Variants in ADCY5 observed in about 807,000 individuals in gnomAD.
ADCY5 encodes adenylate cyclase 5.
In ADCY5, 30 loss-of-function variants were observed where a neutral mutation model predicts 119.7. The ratio of observed to expected loss-of-function variants is 0.25; its 90% CI spans 0.19 to 0.34. The LOEUF is 0.34. Ranked by LOEUF, ADCY5 falls within the 10% of genes least tolerant of loss-of-function variation. ADCY5 has a pLI of 1.00. For missense variants in ADCY5, 1,324 were observed against 1,775.2 expected, an observed-to-expected ratio of 0.75 and a Z score of 4.57; for synonymous variants, 753 against 762.2, an observed-to-expected ratio of 0.99 and a Z score of 0.20.
chr3:123,386,431 T>G (rs1333502216), intron 1 of ADCY5, among the ~76,000 whole-genome samples: 1 of 152,220 alleles, frequency 6.6e-6, no homozygotes, highest in East Asian at 1.9e-4. Context: ...CACCCATATG[T>G]GCTCTCTGGA....
intron 17 of ADCY5, among the ~76,000 whole-genome samples, 171 bp downstream of exon 17, chr3:123,295,913 G>A (rs553720082): frequency 6.6e-6 from 1 of 152,346 alleles, no homozygotes; most frequent in South Asian, 2.1e-4. Flanking sequence ...AGTGCAGGGA[G>A]CAGACCCACG....
At chr3:123,436,667 C>T (rs933502800) in intron 1 of ADCY5, among the ~76,000 whole-genome samples, 15 of 152,144 alleles carry the variant, frequency 9.9e-5, no homozygotes, top group African/African-American at 2.2e-4. Context: ...GATCATGCCA[C>T]TGCACTCCAG....
intron 1 of ADCY5, among the ~76,000 whole-genome samples, chr3:123,421,092 A>G (rs530668890): frequency 1.3e-5 from 2 of 152,332 alleles, no homozygotes; most frequent in South Asian, 2.1e-4. Flanking sequence ...CTATTTTCAA[A>G]TAAGTCATAG....
At chr3:123,445,576 G>A (rs1200964026) in intron 1 of ADCY5, among the ~76,000 whole-genome samples, 2 of 152,168 alleles carry the variant, frequency 1.3e-5, no homozygotes, top group East Asian at 1.9e-4. Flanking sequence ...ACGAGTCCTC[G>A]GGTCAAAAGA....
At chr3:123,320,895 G>T in intron 8 of ADCY5, 124 bp from the exon 9 acceptor site, 1 of 717,698 alleles carries the variant, frequency 1.4e-6, no homozygotes, top group Non-Finnish European at 2.4e-6. Flanking sequence ...ACATAGAGAG[G>T]ATTGTCATTC....
intron 1 of ADCY5, among the ~76,000 whole-genome samples, chr3:123,406,086 G>A (rs1944891672): frequency 6.6e-6 from 1 of 152,126 alleles, no homozygotes; most frequent in Non-Finnish European, 1.5e-5. Flanking sequence ...CAATCCAGAG[G>A]CCATACTCCC....
In ADCY5 at chr3:123,448,204, G is replaced by A; in HGVS notation, c.342C>T (p.Gly114=). The change falls in exon 1 of 21, where the codon GGC becomes GGT. Residue 114 remains glycine, a synonymous_variant. Transcript: ENST00000462833. The stretch of plus-strand genomic sequence containing the variant: ...CCGCGCCCCGCCGCTGCCGGCGGCT[G>A]CCGCGACCGCAGTCGTCGCCGCCGC... ...QERGGDDCGR[G]SRRQRRGAAS... 2.4e-6 allele frequency: 3 copies of A among 1,268,362 alleles called. No homozygotes were observed. Among genetic ancestry groups the A allele is most frequent in the Non-Finnish European group, 3.0e-6 (3 of 1,009,244 alleles). 78.6% of individuals were successfully genotyped at this position (1,268,362 alleles called of 1,614,324 possible). A position where few individuals can be genotyped will look rare whatever the true frequency, so the allele number is the denominator to read the frequency against.
intron 3 of ADCY5, among the ~76,000 whole-genome samples, chr3:123,343,822 C>T (rs561766434): frequency 1.3e-5 from 2 of 152,196 alleles, no homozygotes; most frequent in Non-Finnish European, 2.9e-5. Flanking sequence ...GACATCCCAG[C>T]ATGGGCCCTG....
At chr3:123,301,054 T>C (rs938067342) in intron 14 of ADCY5, among the ~76,000 whole-genome samples, 3 of 151,870 alleles carry the variant, frequency 2.0e-5, no homozygotes, top group African/African-American at 7.3e-5. Flanking sequence ...CCTTCTGGTC[T>C]CTGAGCCTCC....
At chr3:123,386,780 G>A (rs1226757805) in intron 1 of ADCY5, among the ~76,000 whole-genome samples, 3 of 151,954 alleles carry the variant, frequency 2.0e-5, no homozygotes, top group Admixed American at 2.0e-4. Context: ...GCCTGCCAGC[G>A]CCCCCGACCC....
chr3:123,428,889 C>A (rs944746019), intron 1 of ADCY5, among the ~76,000 whole-genome samples: 3 of 152,192 alleles, frequency 2.0e-5, no homozygotes, highest in Admixed American at 6.5e-5. Flanking sequence ...CGTTTGTGAG[C>A]TATTGGAGTA....
At chr3:123,395,602 T>C (rs942607052) in intron 1 of ADCY5, among the ~76,000 whole-genome samples, 9 of 152,062 alleles carry the variant, frequency 5.9e-5, no homozygotes, top group African/African-American at 1.4e-4. Context: ...CAGCCAGGCA[T>C]GGTGGCTCAC....
intron 1 of ADCY5, among the ~76,000 whole-genome samples, chr3:123,437,541 G>A (rs1226588958): frequency 1.9e-4 from 29 of 152,192 alleles, no homozygotes; most frequent in Non-Finnish European, 5.9e-5. Flanking sequence ...TTTAAAAATC[G>A]GAATAAAAAA....
intron 2 of ADCY5, among the ~76,000 whole-genome samples, chr3:123,349,358 C>T (rs143534790): frequency 6.6e-6 from 1 of 152,206 alleles, no homozygotes; most frequent in Non-Finnish European, 1.5e-5. Flanking sequence ...CCAGCACTGA[C>T]GAAGTCCTGC....
intron 3 of ADCY5, among the ~76,000 whole-genome samples, chr3:123,336,911 G>A (rs1942055233): frequency 6.6e-6 from 1 of 152,228 alleles, no homozygotes; most frequent in African/African-American, 2.4e-5. Flanking sequence ...CTTACCTGGA[G>A]AGGCCCCCTA....
chr3:123,420,301 C>T (rs1220606139), intron 1 of ADCY5: 1 of 152,252 alleles, frequency 6.6e-6, no homozygotes, highest in Admixed American at 6.5e-5. Context: ...CCTAGATAGG[C>T]ATATCATTTC....
intron 3 of ADCY5, among the ~76,000 whole-genome samples, chr3:123,345,681 G>A (rs759758542): frequency 1.3e-5 from 2 of 151,910 alleles, no homozygotes; most frequent in African/African-American, 4.8e-5. Context: ...TGGATTTTAA[G>A]AACTGCCATC....
Position 123,448,422 on chromosome 3 carries a change from A to G in ADCY5, c.124T>C (p.Tyr42His). The G allele has an allele frequency of 7.3e-7, 1 of 1,375,630 alleles. No homozygotes were observed. The highest frequency in any genetic ancestry group is 9.4e-7 in the Non-Finnish European group (1 of 1,067,710). 85.2% of individuals were successfully genotyped at this position (1,375,630 alleles called of 1,614,324 possible). Residue 42 changes from tyrosine to histidine, a missense_variant, in exon 1 of 21, where the codon TAC becomes CAC. Physicochemically the swap from Tyr to His is moderately conservative, Grantham distance 83. This residue lies in a region of ADCY5 where 585 missense variants were observed against 569.9 expected (regional missense o/e 1.03). Transcript: ENST00000462833. ...GCAGAGCCCCCGGGGGCATGGGGGT[A>G]GCCATTCGCGCGGGAATCGGCCTCG... ...WGEADSRANG[Y>H]PHAPGGSARG...
At position 123,291,176 on chromosome 3, in the gene ADCY5, C is replaced by G; in HGVS notation, c.3264G>C (p.Glu1088Asp). 7 of 1,614,134 alleles carry G rather than the reference C, an allele frequency of 4.3e-6. No individual in the cohort carries two copies. Among genetic ancestry groups the G allele is most frequent in the Non-Finnish European group, 5.9e-6 (7 of 1,180,044 alleles). ...GGCACTCGACACCCTCGTTGTTGGC[C>G]TCCAGCTCAACGTAGAACTCGGAGA... ...ANFSEFYVEL[E>D]ANNEGVECLR... The change falls in exon 18 of 21, where the codon GAG (glutamate) becomes GAC (aspartate). Residue 1088 changes from glutamate (E) to aspartate (D), a missense_variant. This residue lies in a region of ADCY5 where 178 missense variants were observed against 329.6 expected (regional missense o/e 0.54). Coordinates refer to ENST00000462833, the MANE Select transcript of ADCY5 (RefSeq NM_183357.3).
Sources: gnomAD v4.1 joint callset for allele counts (sites outside exome capture counted in the v4.1 genomes callset) on GRCh38, gnomAD v4.1.1 for gene constraint, gnomAD v4.1.1 regional missense constraint, MANE v1.5 for transcripts, NCBI Gene and HGNC (gene_info 2026-07-23, HGNC 2026-07-21) for gene names.